Variants in NHS observed in about 807,000 individuals in gnomAD.
The protein encoded by NHS is NHS actin remodeling regulator.
A neutral mutation model predicts 72.5 loss-of-function variants in NHS; 5 were observed. The ratio of observed to expected loss-of-function variants is 0.07; its 90% confidence interval spans 0.04 to 0.14. The LOEUF is 0.14. NHS is among the 10% of genes least tolerant of loss of function. The pLI is 1.00. For missense variants in NHS, 1,072 were observed against 1,355.7 expected (o/e 0.79, Z 3.29); for synonymous variants, 464 against 547.7 (o/e 0.85, Z 2.13).
At chrX:17,385,381 G>A (rs1427538491) in intron 1 of NHS, among the ~76,000 whole-genome samples, 1 of 111,253 alleles carries the variant, frequency 9.0e-6, no homozygotes, top group East Asian at 2.8e-4. Flanking sequence ...GGGCATGATG[G>A]TATGTGCCCG....
intron 1 of NHS, among the ~76,000 whole-genome samples, chrX:17,574,122 C>A (rs1177571699): frequency 8.9e-6 from 1 of 111,733 alleles, no homozygotes; most frequent in East Asian, 2.8e-4. Flanking sequence ...GTCTCCCAGT[C>A]ATGCTACACA....
intron 1 of NHS, among the ~76,000 whole-genome samples, chrX:17,437,524 G>A (rs2064729819): frequency 9.0e-6 from 1 of 111,317 alleles, no homozygotes; most frequent in African/African-American, 3.3e-5. Context: ...GGGAAATGGG[G>A]CCCAGATCCA....
chrX:17,570,311 G>A (rs2065468867), intron 1 of NHS, among the ~76,000 whole-genome samples: 1 of 112,300 alleles, frequency 8.9e-6, no homozygotes, highest in African/African-American at 3.2e-5. Flanking sequence ...AGCATGAAAT[G>A]TTTTTCCATT....
Position 17,732,425 on chromosome X carries a change from G to A in NHS, c.4917G>A (p.Gly1639=), listed in dbSNP as rs1027771210. The A allele has an allele frequency of 8.2e-7, 1 of 1,212,307 alleles. No individual in the cohort carries two copies. The highest frequency in any genetic ancestry group is 1.8e-5 in the South Asian group (1 of 57,029). ...ISEGETENSD[G]SPHDDRSSQS... Reference sequence around the variant, plus strand: ...AGGGAGAGACGGAAAATTCTGACGGGAGCCCACATGACGACCGTTCCTCCC... The same window carrying A: ...AGGGAGAGACGGAAAATTCTGACGGAAGCCCACATGACGACCGTTCCTCCC... Residue 1639 remains glycine, a synonymous_variant, in exon 9 of 9, where the codon GGG becomes GGA. Transcript: ENST00000676302.
chrX:17,707,154 C>T (rs1167394244), intron 3 of NHS, among the ~76,000 whole-genome samples: 1 of 111,362 alleles, frequency 9.0e-6, no homozygotes, highest in Non-Finnish European at 1.9e-5. Context: ...ACAAGTTTTC[C>T]TCTCCAAGCC....
At chrX:17,642,560 C>G (rs996962371) in intron 1 of NHS, among the ~76,000 whole-genome samples, 1 of 111,924 alleles carries the variant, frequency 8.9e-6, no homozygotes, top group African/African-American at 3.3e-5. Flanking sequence ...TTTTGGCATA[C>G]TTTGGTTAAT....
At chrX:17,654,255 C>T (rs945261892) in intron 1 of NHS, among the ~76,000 whole-genome samples, 2 of 111,493 alleles carry the variant, frequency 1.8e-5, no homozygotes, top group African/African-American at 6.5e-5. Context: ...TTCCTTTACC[C>T]ACCCACCCCT....
chrX:17,452,664 G>A (rs2064810408), intron 1 of NHS, among the ~76,000 whole-genome samples: 1 of 111,612 alleles, frequency 9.0e-6, no homozygotes. Context: ...GAGGCTGTCT[G>A]ATCTAGATCA....
intron 1 of NHS, 61 bp downstream of exon 1, chrX:17,376,383 TC>T: frequency 1.9e-6 from 2 of 1,036,397 alleles, no homozygotes; most frequent in Non-Finnish European, 2.6e-6. Flanking sequence ...CCTCGCGCCC[TC>T]CCCAGCAGCG....
intron 1 of NHS, among the ~76,000 whole-genome samples, chrX:17,556,162 C>T (rs73636657): frequency 0.076 from 8,502 of 112,371 alleles, 759 homozygotes; most frequent in African/African-American, 0.26. Context: ...TTTTGAAATA[C>T]TTCCTAGGTT....
rs768523769 is a variant in NHS at position 17,649,024 on chromosome X, C to T, written c.566-38718C>T. ...CCTTGACCCCTTAATTTTGTGAAAT[C>T]GGTGTGTAGTGGGCATAGTGATTCT... On this transcript the variant is annotated intron_variant, in intron 1 of 8. Transcript: ENST00000676302. Among the ~76,000 whole-genome samples the T allele has an allele frequency of 7.1e-5, 8 of 112,079 alleles. No individual in the cohort carries two copies. In the East Asian group the frequency reaches 1.7e-3, roughly 24 times the overall value.
intron 1 of NHS, among the ~76,000 whole-genome samples, chrX:17,553,644 C>T (rs2065349212): frequency 9.0e-6 from 1 of 111,586 alleles, no homozygotes; most frequent in Admixed American, 9.5e-5. Flanking sequence ...AAACCAACTA[C>T]AAACTTTTCC....
chrX:17,424,228 A>G (rs1173748937), intron 1 of NHS, among the ~76,000 whole-genome samples: 1 of 112,134 alleles, frequency 8.9e-6, no homozygotes, highest in Non-Finnish European at 1.9e-5. Flanking sequence ...GCTGAGGGAC[A>G]AATGCTCTGT....
At chrX:17,476,132 G>A (rs753150139) in intron 1 of NHS, among the ~76,000 whole-genome samples, 1 of 111,894 alleles carries the variant, frequency 8.9e-6, no homozygotes, top group African/African-American at 3.3e-5. Context: ...GTAGCTTCAG[G>A]ATGCTTGGAT....
chrX:17,416,837 AGAGAGACAAACTAGG>A (rs1382778679), intron 1 of NHS, among the ~76,000 whole-genome samples: 1 of 108,945 alleles, frequency 9.2e-6, no homozygotes, highest in Non-Finnish European at 1.9e-5. Flanking sequence ...AGAGAGAGAG[AGAGAGACAAACTAGG>A]GAGTGCGTGT....
At chrX:17,672,423 G>A (rs1427290555) in intron 1 of NHS, among the ~76,000 whole-genome samples, 1 of 112,492 alleles carries the variant, frequency 8.9e-6, no homozygotes, top group Non-Finnish European at 1.9e-5. Context: ...ATTCTACCAG[G>A]TGGACCTCAC....
intron 1 of NHS, among the ~76,000 whole-genome samples, chrX:17,650,008 C>A (rs1569300807): frequency 9.0e-6 from 1 of 111,518 alleles, no homozygotes; most frequent in East Asian, 2.8e-4. Context: ...GGAAGTAAGC[C>A]TTGGAGACAA....
chrX:17,661,361 C>G (rs1422542694), intron 1 of NHS, among the ~76,000 whole-genome samples: 2 of 111,006 alleles, frequency 1.8e-5, no homozygotes, highest in African/African-American at 6.6e-5. Flanking sequence ...CCCATCAACC[C>G]ATCATCTAGG....
intron 3 of NHS, among the ~76,000 whole-genome samples, chrX:17,712,913 G>C (rs1297229699): frequency 9.0e-6 from 1 of 111,660 alleles, no homozygotes; most frequent in Non-Finnish European, 1.9e-5. Context: ...CCTTAAAACA[G>C]AGAAAGCATA....
Sources: gnomAD v4.1 joint callset for allele counts (sites outside exome capture counted in the v4.1 genomes callset) on GRCh38, gnomAD v4.1.1 for gene constraint, MANE v1.5 for transcripts, NCBI Gene and HGNC (gene_info 2026-07-23, HGNC 2026-07-21) for gene names.